Variants in BACE2 observed in about 807,000 individuals in gnomAD.
BACE2 encodes the protein 56 kDa aspartic-like protease.
A neutral mutation model predicts 46.2 loss-of-function variants in BACE2; 17 were observed. The observed-to-expected ratio is 0.37, with a 90% CI of 0.25 to 0.55. The LOEUF (loss-of-function observed/expected upper bound fraction) is 0.55. Ranked by LOEUF, BACE2 falls within the 20% of genes least tolerant of loss-of-function variation. The pLI is 0.82. For synonymous variants in BACE2, 277 were observed against 295.9 expected, an observed-to-expected ratio of 0.94 and a Z score of 0.66; for missense variants, 595 against 698.1, an observed-to-expected ratio of 0.85 and a Z score of 1.66.
At position 41,203,974 on chromosome 21, in the gene BACE2, G is replaced by C. The variant is rs549594092; in HGVS notation, c.313-22292G>C. ...GGAGGAGAGGACCTGGAGCCTGTGA[G>C]CTCACTCAGCTATTTCAAGGGGATT... On this transcript the variant is annotated intron_variant, in intron 1 of 8. Transcript: ENST00000330333. Among the ~76,000 whole-genome samples, 4 of 152,294 alleles carry C rather than the reference G, an allele frequency of 2.6e-5. No individual in the cohort carries two copies. The East Asian group carries it at 5.8e-4, about 22-fold the overall frequency.
intron 8 of BACE2, 57 bp downstream of exon 8, chr21:41,257,383 G>A (rs2123629451): frequency 6.3e-7 from 1 of 1,578,264 alleles, no homozygotes; most frequent in African/African-American, 1.3e-5. Context: ...ATGTAAATGT[G>A]CTGACTTGGA....
At chr21:41,214,528 C>A (rs1346822593) in intron 1 of BACE2, among the ~76,000 whole-genome samples, 1 of 152,242 alleles carries the variant, frequency 6.6e-6, no homozygotes, top group Non-Finnish European at 1.5e-5. Flanking sequence ...AATTTTCACA[C>A]ATCTTCTGGA....
intron 8 of BACE2, among the ~76,000 whole-genome samples, chr21:41,270,285 T>A (rs138913395): frequency 6.6e-5 from 10 of 152,372 alleles, no homozygotes; most frequent in Non-Finnish European, 7.3e-5. Flanking sequence ...GTCTTTTTAG[T>A]CTGTTAATAT....
At chr21:41,229,920 C>T (rs566342714) in intron 2 of BACE2, among the ~76,000 whole-genome samples, 76 of 152,356 alleles carry the variant, frequency 5.0e-4, no homozygotes, top group South Asian at 1.7e-3. Flanking sequence ...ACCATTCTGA[C>T]CACTCAAGGT....
rs1244994046 is a variant in BACE2, at chr21:41,281,039, C to T, written c.*5415C>T. The T allele has an allele frequency of 6.6e-6, 1 of 152,166 alleles. No individual in the cohort carries two copies. Among genetic ancestry groups the T allele is most frequent in the Non-Finnish European group, 1.5e-5 (1 of 68,054 alleles). 9.4% of individuals were successfully genotyped at this position (152,166 alleles called of 1,614,324 possible). ...TTGAGCCTCGGGTACTTCTTGGACA[C>T]TATTGTGAGAGCAGCCATCCTGGTG... is the stretch of plus-strand genomic sequence containing the variant. On this transcript the variant is annotated 3_prime_UTR_variant, in exon 9 of 9. Coordinates refer to ENST00000330333, the MANE Select transcript of BACE2 (RefSeq NM_012105.5).
intron 5 of BACE2, 86 bp downstream of exon 5, chr21:41,243,596 G>C (rs1987368827): frequency 7.3e-7 from 1 of 1,373,162 alleles, no homozygotes; most frequent in African/African-American, 1.5e-5. Context: ...GATGCCAATA[G>C]AAGGTACATT....
intron 8 of BACE2, among the ~76,000 whole-genome samples, chr21:41,270,053 A>T (rs1006364337): frequency 2.0e-5 from 3 of 152,210 alleles, no homozygotes; most frequent in African/African-American, 7.2e-5. Flanking sequence ...TAGCGGTCTC[A>T]TCGTGGCTTT....
rs535098154 is a variant in BACE2 at position 41,174,431 on chromosome 21, G to A, written c.312+5856G>A. Among the ~76,000 whole-genome samples the A allele has an allele frequency of 9.3e-4, 141 of 152,152 alleles. 2 individuals carry two copies. Among genetic ancestry groups the A allele is most frequent in the Admixed American group, 3.7e-3 (57 of 15,274 alleles). ...GCTAGGATTACAGGCGTGAGCCACCGCGCGGCCAAGTGGCTATTCTTTTGT... is the reference window on the plus strand; with the variant it reads ...GCTAGGATTACAGGCGTGAGCCACCACGCGGCCAAGTGGCTATTCTTTTGT... On this transcript the variant is annotated intron_variant, in intron 1 of 8. Transcript: ENST00000330333.
At chr21:41,265,121 G>C (rs1452264628) in intron 8 of BACE2, among the ~76,000 whole-genome samples, 1 of 147,868 alleles carries the variant, frequency 6.8e-6, no homozygotes, top group Non-Finnish European at 1.5e-5. Context: ...GTACGATATA[G>C]CACATAGTCC....
intron 1 of BACE2, among the ~76,000 whole-genome samples, chr21:41,209,019 G>A (rs1267874478): frequency 6.6e-6 from 1 of 152,196 alleles, no homozygotes; most frequent in East Asian, 1.9e-4. Flanking sequence ...CCACGTACAG[G>A]TGGTGCTGAC....
At chr21:41,197,593 C>G (rs905707070) in intron 1 of BACE2, among the ~76,000 whole-genome samples, 1 of 152,000 alleles carries the variant, frequency 6.6e-6, no homozygotes, top group African/African-American at 2.4e-5. Flanking sequence ...ACTTTTGAAC[C>G]CTTAACTTGG....
chr21:41,262,682 T>C (rs1158648410), intron 8 of BACE2, among the ~76,000 whole-genome samples: 2 of 152,180 alleles, frequency 1.3e-5, no homozygotes, highest in African/African-American at 4.8e-5. Flanking sequence ...GGTCTTCTTT[T>C]ATGTCCTACT....
At chr21:41,203,939 A>G (rs976414752) in intron 1 of BACE2, among the ~76,000 whole-genome samples, 1 of 152,180 alleles carries the variant, frequency 6.6e-6, no homozygotes, top group Non-Finnish European at 1.5e-5. Context: ...GGTGGCCCCA[A>G]GCGAGAAAGG....
Position 41,271,501 on chromosome 21 carries a change from T to C in BACE2, c.1304-3870T>C, listed in dbSNP as rs576160772. Among the ~76,000 whole-genome samples, 6 of 152,356 alleles carry C rather than the reference T, an allele frequency of 3.9e-5. No individual in the cohort carries two copies. In the South Asian group the frequency reaches 1.2e-3, roughly 32 times the overall value. On this transcript the variant is annotated intron_variant, in intron 8 of 8. Coordinates refer to ENST00000330333, the MANE Select transcript of BACE2 (RefSeq NM_012105.5). ...ATATTTAATGTATGATTGATATGTC[T>C]GTGTTTAACCAGTAACACAACAAAG... is the stretch of plus-strand genomic sequence containing the variant.
chr21:41,233,283 A>C (rs1005662985), intron 2 of BACE2, among the ~76,000 whole-genome samples: 5 of 152,206 alleles, frequency 3.3e-5, no homozygotes, highest in African/African-American at 1.2e-4. Context: ...AACTCTTTTA[A>C]TCTGCATAAT....
chr21:41,171,539 G>A (rs1382086376), intron 1 of BACE2, among the ~76,000 whole-genome samples: 2 of 152,240 alleles, frequency 1.3e-5, no homozygotes, highest in Admixed American at 1.3e-4. Flanking sequence ...GTTTGCGGCT[G>A]ATCCCATTAT....
At chr21:41,179,348 G>A in intron 1 of BACE2, 2 of 1,317,080 alleles carry the variant, frequency 1.5e-6, no homozygotes, top group Non-Finnish European at 2.0e-6. Context: ...AGGGTATCCA[G>A]GGTGAGTGAG....
intron 1 of BACE2, among the ~76,000 whole-genome samples, chr21:41,202,480 AG>A (rs1255969288): frequency 2.0e-5 from 3 of 152,236 alleles, no homozygotes; most frequent in African/African-American, 7.2e-5. Context: ...GGAAAGCAGT[AG>A]GGGATGGGAA....
At chr21:41,185,715 G>A (rs55882043) in intron 1 of BACE2, among the ~76,000 whole-genome samples, 1,538 of 152,324 alleles carry the variant, frequency 0.01, 13 homozygotes, top group Middle Eastern at 0.017. Flanking sequence ...AAATGCCTGC[G>A]TTTCAGCCAA....
Sources: allele counts gnomAD v4.1 joint callset (sites outside exome capture counted in the v4.1 genomes callset), GRCh38; gene constraint gnomAD v4.1.1; transcripts MANE v1.5; gene names NCBI Gene and HGNC (gene_info 2026-07-23, HGNC 2026-07-21).